Variants in WWOX observed in about 807,000 individuals in gnomAD.
WWOX encodes WW domain containing oxidoreductase.
WWOX carries 69 observed loss-of-function variants against 46.2 expected under a neutral mutation model. The ratio of observed to expected loss-of-function variants is 1.49; its 90% CI spans 1.23 to 1.82. The LOEUF is 1.82. Among genes scored for constraint, WWOX ranks in the 40% most tolerant of loss-of-function variants. WWOX has a pLI of 0.00. For synonymous variants in WWOX, 359 were observed against 202.6 expected, an observed-to-expected ratio of 1.77 and a Z score of -6.56; for missense variants, 919 against 542.6, an observed-to-expected ratio of 1.69 and a Z score of -6.89.
intron 6 of WWOX, among the ~76,000 whole-genome samples, chr16:78,387,327 G>A (rs1227834664): frequency 6.6e-6 from 1 of 152,180 alleles, no homozygotes; most frequent in African/African-American, 2.4e-5. Context: ...CAGTTATCCA[G>A]TATGGCAGGG....
intron 8 of WWOX, among the ~76,000 whole-genome samples, chr16:79,088,884 G>C (rs927552170): frequency 3.9e-5 from 6 of 152,074 alleles, no homozygotes; most frequent in Non-Finnish European, 5.9e-5. Flanking sequence ...TGAACATATT[G>C]ATCACCTCTT....
chr16:78,469,834 A>G (rs181243362), intron 8 of WWOX, among the ~76,000 whole-genome samples: 3 of 152,212 alleles, frequency 2.0e-5, no homozygotes, highest in Non-Finnish European at 4.4e-5. Flanking sequence ...CCTAGAGGTG[A>G]TCCTTTGGTT....
At chr16:79,127,873 A>C (rs1597398437) in intron 8 of WWOX, among the ~76,000 whole-genome samples, 1 of 152,206 alleles carries the variant, frequency 6.6e-6, no homozygotes, top group African/African-American at 2.4e-5. Flanking sequence ...TTGTTGGGAC[A>C]CAGAAGTTAG....
chr16:78,622,345 C>T (rs1368983462), intron 8 of WWOX, among the ~76,000 whole-genome samples: 1 of 152,006 alleles, frequency 6.6e-6, no homozygotes, highest in Non-Finnish European at 1.5e-5. Context: ...GAGTTTGAGA[C>T]CAGCCTGGCC....
intron 8 of WWOX, among the ~76,000 whole-genome samples, chr16:78,827,155 C>T (rs779799337): frequency 2.0e-5 from 3 of 152,074 alleles, no homozygotes; most frequent in Non-Finnish European, 4.4e-5. Flanking sequence ...TTTAGCTGTT[C>T]CCCCAACTGC....
chr16:78,267,647 A>T (rs1453016442), intron 5 of WWOX, among the ~76,000 whole-genome samples: 1 of 152,074 alleles, frequency 6.6e-6, no homozygotes, highest in Admixed American at 6.5e-5. Context: ...GAGCTGCAGG[A>T]CATCTGACAC....
chr16:78,727,770 G>C (rs1468236816), intron 8 of WWOX, among the ~76,000 whole-genome samples: 1 of 152,076 alleles, frequency 6.6e-6, no homozygotes, highest in South Asian at 2.1e-4. Context: ...TCAGCTCCTT[G>C]TCTCCCTGGT....
chr16:79,193,400 T>G (rs1460800718), intron 8 of WWOX, among the ~76,000 whole-genome samples: 1 of 152,172 alleles, frequency 6.6e-6, no homozygotes, highest in African/African-American at 2.4e-5. Flanking sequence ...CTTTTATTCT[T>G]TATGCCTCAC....
chr16:78,427,426 A>G (rs553938239), intron 7 of WWOX, among the ~76,000 whole-genome samples: 1 of 152,238 alleles, frequency 6.6e-6, no homozygotes, highest in South Asian at 2.1e-4. Flanking sequence ...ATAACAATTA[A>G]AGTAGAATGA....
intron 8 of WWOX, among the ~76,000 whole-genome samples, chr16:78,764,351 G>T (rs186839935): frequency 1.3e-3 from 190 of 151,544 alleles, no homozygotes; most frequent in Middle Eastern, 0.01. Context: ...AATTCCCTGT[G>T]AGCTTGACAC....
chr16:78,962,991 C>G (rs758618274), intron 8 of WWOX, among the ~76,000 whole-genome samples: 2 of 152,192 alleles, frequency 1.3e-5, no homozygotes, highest in Non-Finnish European at 2.9e-5. Flanking sequence ...TTCTCTGCCA[C>G]TGCCATCCTA....
At chr16:78,533,255 AC>A (rs1597224016) in intron 8 of WWOX, among the ~76,000 whole-genome samples, 1 of 151,850 alleles carries the variant, frequency 6.6e-6, no homozygotes, top group African/African-American at 2.4e-5. Context: ...AAATTAGAAA[AC>A]TTTTGGCCGG....
intron 8 of WWOX, among the ~76,000 whole-genome samples, chr16:78,798,313 G>C (rs2050796780): frequency 1.3e-5 from 2 of 149,484 alleles, no homozygotes; most frequent in South Asian, 2.1e-4. Flanking sequence ...TCAAGAGAGA[G>C]AAAAAAAAAG....
At chr16:78,487,050 A>G (rs1023184278) in intron 8 of WWOX, among the ~76,000 whole-genome samples, 1 of 152,178 alleles carries the variant, frequency 6.6e-6, no homozygotes, top group Non-Finnish European at 1.5e-5. Context: ...TGCTTGGTAC[A>G]TGCCAGATGA....
At chr16:78,975,784 C>A (rs2046560101) in intron 8 of WWOX, among the ~76,000 whole-genome samples, 1 of 152,140 alleles carries the variant, frequency 6.6e-6, no homozygotes, top group South Asian at 2.1e-4. Flanking sequence ...TTCAGCCTTT[C>A]AGACAATTCT....
chr16:78,596,050 G>A (rs932574910), intron 8 of WWOX, among the ~76,000 whole-genome samples: 1 of 152,078 alleles, frequency 6.6e-6, no homozygotes, highest in Admixed American at 6.6e-5. Flanking sequence ...TTTACTCTTT[G>A]TTGTTTCTGC....
At chr16:78,526,809 G>T (rs1452652349) in intron 8 of WWOX, among the ~76,000 whole-genome samples, 1 of 152,194 alleles carries the variant, frequency 6.6e-6, no homozygotes, top group African/African-American at 2.4e-5. Flanking sequence ...GTTGAGGGTG[G>T]CAGTGATCTT....
In WWOX at chr16:78,476,160, G is replaced by T. The variant is rs566847310; in HGVS notation, c.1056+43408G>T. Among the ~76,000 whole-genome samples the T allele has an allele frequency of 2.0e-4, 30 of 152,284 alleles. No homozygotes were observed. The Middle Eastern group carries it at 0.01, about 52-fold the overall frequency. ...GTGGTGAAGCTACTGGATAGAACTG[G>T]AGCATCTAACTGGTGTGAGATGGTA... On this transcript the variant is annotated intron_variant, in intron 8 of 8. Coordinates refer to ENST00000566780, the MANE Select transcript of WWOX (RefSeq NM_016373.4).
At chr16:78,382,594 G>A (rs537046149) in intron 5 of WWOX, among the ~76,000 whole-genome samples, 9 of 152,278 alleles carry the variant, frequency 5.9e-5, no homozygotes, top group East Asian at 1.9e-4. Flanking sequence ...CCACTCTGAC[G>A]TACTAAAGGG....
Sources: allele counts gnomAD v4.1 joint callset (sites outside exome capture counted in the v4.1 genomes callset), GRCh38; gene constraint gnomAD v4.1.1; transcripts MANE v1.5; gene names NCBI Gene and HGNC (gene_info 2026-07-23, HGNC 2026-07-21).